The following OASL variants were observed in gnomAD, a reference collection of about 807,000 sequenced individuals.
The protein encoded by OASL is 2'-5'-oligoadenylate synthetase like, also known as 2'-5'-oligoadenylate synthase-like protein.
In OASL, 28 loss-of-function variants were observed where a neutral mutation model predicts 35.3. The observed-to-expected ratio is 0.79, with a 90% CI of 0.59 to 1.09. The LOEUF (loss-of-function observed/expected upper bound fraction) is 1.09. Among genes scored for constraint, OASL ranks in the 50% least tolerant of loss-of-function variants. The pLI is 0.00. For missense variants in OASL, 620 were observed against 635.2 expected (o/e 0.98, Z 0.26); for synonymous variants, 252 against 254.6 (o/e 0.99, Z 0.10).
At chr12:121,022,760 T>C (rs1182757409) in intron 5 of OASL, among the ~76,000 whole-genome samples, 1 of 152,206 alleles carries the variant, frequency 6.6e-6, no homozygotes, top group East Asian at 1.9e-4. Flanking sequence ...TGAGTGTCTA[T>C]ATCTCCCCCC....
chr12:121,030,915 C>G (rs911229134), intron 3 of OASL, among the ~76,000 whole-genome samples: 2 of 151,990 alleles, frequency 1.3e-5, no homozygotes, highest in African/African-American at 4.8e-5. Context: ...GTGGGAGGAT[C>G]GCTTGAGACC....
chr12:121,028,989 CAGG>C (rs1370693974), intron 3 of OASL, among the ~76,000 whole-genome samples: 4 of 150,130 alleles, frequency 2.7e-5, no homozygotes, highest in African/African-American at 9.8e-5. Context: ...CGCTTGAACC[CAGG>C]AGGAGGAGGT....
intron 3 of OASL, among the ~76,000 whole-genome samples, chr12:121,030,377 T>C (rs1869675617): frequency 6.6e-6 from 1 of 152,128 alleles, no homozygotes; most frequent in South Asian, 2.1e-4. Context: ...GCTATTTTTT[T>C]GTATTTTTAG....
downstream of OASL, among the ~76,000 whole-genome samples, chr12:121,018,207 T>TG (rs1869096568): frequency 6.6e-6 from 1 of 152,100 alleles, no homozygotes; most frequent in South Asian, 2.1e-4. Context: ...ACAGACAACA[T>TG]GAGGCAGTGT....
At position 121,024,145 on chromosome 12, in the gene OASL, A is replaced by C; in HGVS notation, c.900-8T>G. The C allele has an allele frequency of 6.2e-7, 1 of 1,613,136 alleles. No homozygotes were observed. The highest frequency in any genetic ancestry group is 8.5e-7 in the Non-Finnish European group (1 of 1,179,418). ...GGATCCAGGATGATGGGCCTGTAAC[A>C]CAGGAAAAGGGTGCCCAGGCTCATA... On this transcript the variant is annotated splice_polypyrimidine_tract_variant and splice_region_variant and intron_variant, in intron 4 of 5. Transcript: ENST00000257570.
At chr12:121,032,857 A>T (rs1869791071) in intron 2 of OASL, among the ~76,000 whole-genome samples, 1 of 152,048 alleles carries the variant, frequency 6.6e-6, no homozygotes, top group African/African-American at 2.4e-5. Context: ...TTCTGTGGTT[A>T]CCCAGGCCAC....
At chr12:121,018,898 G>C (rs1361733269), downstream of OASL, among the ~76,000 whole-genome samples, 1 of 143,670 alleles carries the variant, frequency 7.0e-6, no homozygotes, top group Non-Finnish European at 1.5e-5. Context: ...AAAAAGAAGC[G>C]ATCCTAGAGA....
rs762437111 is a variant in OASL at position 121,033,547 on chromosome 12, ACT to A, written c.393_394del (p.Arg131SerfsTer41). The A allele has an allele frequency of 1.4e-5, 22 of 1,613,250 alleles. No individual in the cohort carries two copies. Among genetic ancestry groups the A allele is most frequent in the East Asian group, 2.2e-5 (1 of 44,842 alleles). ...GATGGTGAAGACGAGAGCATCGGGG[ACT>A]CTCTGCTCCATCCTCAGGTCCTCGA... On this transcript the variant is annotated frameshift_variant, in exon 2 of 6. Transcript: ENST00000257570. LOFTEE classifies it high-confidence loss of function.
exon 5 of OASL, chr12:121,024,112 G>T: frequency 6.2e-7 from 1 of 1,614,088 alleles, no homozygotes; most frequent in Non-Finnish European, 8.5e-7. Context: ...TTGAGGGTGG[G>T]GTCGGCCGGA....
Position 121,020,679 on chromosome 12 carries a change from A to G in OASL, c.1427T>C (p.Leu476Pro). The G allele has an allele frequency of 2.5e-6, 4 of 1,614,166 alleles. No individual in the cohort carries two copies. The East Asian group carries it at 8.9e-5, about 36-fold the overall frequency. Residue 476 changes from leucine to proline, a missense_variant, in exon 6 of 6, where the codon CTG (leucine) becomes CCG (proline). Coordinates refer to ENST00000257570, the Ensembl canonical transcript of OASL. ...CTGCAGGACTTGGCCTTGGAATTCC[A>G]GCTGCTGCTGCTTTTTAGGAAGCCC...
At chr12:121,021,029 C>G (rs1451278102) in exon 6 of OASL, 2 of 1,603,558 alleles carry the variant, frequency 1.2e-6, no homozygotes, top group Non-Finnish European at 1.7e-6. Flanking sequence ...AACCCCTCTG[C>G]TCCACTGTCA....
chr12:121,023,379 C>A (rs1188504380), intron 5 of OASL, among the ~76,000 whole-genome samples: 3 of 150,808 alleles, frequency 2.0e-5, no homozygotes, highest in African/African-American at 7.3e-5. Flanking sequence ...GCCCCCAGCT[C>A]CCGGGTTCAA....
chr12:121,026,085 A>G (rs1375965061), intron 4 of OASL, among the ~76,000 whole-genome samples: 1 of 152,062 alleles, frequency 6.6e-6, no homozygotes, highest in Admixed American at 6.6e-5. Context: ...GGACATGGGG[A>G]TGATGGAGAT....
chr12:121,022,412 G>T (rs1010040724), intron 5 of OASL, among the ~76,000 whole-genome samples: 6 of 152,102 alleles, frequency 3.9e-5, no homozygotes, highest in Non-Finnish European at 8.8e-5. Flanking sequence ...TAGAGACGGG[G>T]TTTCACCATG....
Position 121,030,330 on chromosome 12 carries a change from G to C in OASL, c.657+1112C>G, listed in dbSNP as rs538791876. Among the ~76,000 whole-genome samples the C allele has an allele frequency of 2.5e-3, 377 of 152,118 alleles. 4 individuals are homozygous for C. The highest frequency in any genetic ancestry group is 8.6e-3 in the African/African-American group (359 of 41,508). On this transcript the variant is annotated intron_variant, in intron 3 of 5. Coordinates refer to ENST00000257570, the Ensembl canonical transcript of OASL. ...CACCATTCTCCTGCCTCAGCCTCCC[G>C]AGTAGCTGGGACTACAGGCGCCCGC...
At chr12:121,029,064 G>GAAAAAAAAAAAAAAAAA (rs10577200) in intron 3 of OASL, among the ~76,000 whole-genome samples, 1 of 105,092 alleles carries the variant, frequency 9.5e-6, no homozygotes, top group Non-Finnish European at 1.9e-5. Context: ...ACTTGTCTCA[G>GAAAAAAAAAAAAAAAAA]AAAAAAAAAA....
exon 2 of OASL, chr12:121,033,573 G>A (rs1219713253): frequency 6.2e-6 from 10 of 1,614,020 alleles, no homozygotes; most frequent in African/African-American, 4.0e-5. Flanking sequence ...TCAGGTCCTC[G>A]AGCCCGAGGT....
At chr12:121,018,752 C>T (rs1315570170), downstream of OASL, among the ~76,000 whole-genome samples, 1 of 151,732 alleles carries the variant, frequency 6.6e-6, no homozygotes, top group East Asian at 1.9e-4. Context: ...TGCCTGTAGT[C>T]CCAGCTACTC....
Position 121,024,600 on chromosome 12 carries a change from C to T in OASL, c.900-463G>A, listed in dbSNP as rs111455336. ...GCCACCACCCTCCAGCCTGGGTGAC[C>T]GAGTGAGACTGTCTCAAAAAAAAAA... On this transcript the variant is annotated intron_variant, in intron 4 of 5. Coordinates refer to ENST00000257570, the Ensembl canonical transcript of OASL. Among the ~76,000 whole-genome samples, 12 of 151,482 alleles carry T rather than the reference C, an allele frequency of 7.9e-5. 1 individual carries two copies. Among genetic ancestry groups the T allele is most frequent in the South Asian group, 2.1e-4 (1 of 4,794 alleles).
Sources: gnomAD v4.1 joint callset for allele counts (sites outside exome capture counted in the v4.1 genomes callset) on GRCh38, gnomAD v4.1.1 for gene constraint, MANE v1.5 for transcripts, NCBI Gene and HGNC (gene_info 2026-07-23, HGNC 2026-07-21) for gene names.